SMAP1: variants seen among roughly 807,000 people sequenced by gnomAD.
SMAP1 encodes the protein small ArfGAP 1, also known as stromal membrane-associated protein 1.
In SMAP1, 24 loss-of-function variants were observed where a neutral mutation model predicts 58.5. The ratio of observed to expected loss-of-function variants is 0.41; its 90% CI spans 0.30 to 0.58. The LOEUF (loss-of-function observed/expected upper bound fraction) is 0.58, where lower values mean the gene tolerates loss of function less well. Among genes scored for constraint, SMAP1 ranks in the 20% least tolerant of loss-of-function variants. SMAP1 has a pLI of 0.29. For missense variants in SMAP1, 563 were observed against 566.3 expected, an observed-to-expected ratio of 0.99 and a Z score of 0.06; for synonymous variants, 216 against 196.6, an observed-to-expected ratio of 1.10 and a Z score of -0.82.
intron 3 of SMAP1, among the ~76,000 whole-genome samples, chr6:70,755,543 T>G (rs894351426): frequency 6.6e-6 from 1 of 152,034 alleles, no homozygotes; most frequent in Non-Finnish European, 1.5e-5. Flanking sequence ...GCACATTTAA[T>G]GTAGGCTAGG....
chr6:70,675,693 C>G (rs980497364), intron 1 of SMAP1, among the ~76,000 whole-genome samples: 1 of 151,014 alleles, frequency 6.6e-6, no homozygotes, highest in African/African-American at 2.4e-5. Flanking sequence ...AGGGGAGTGA[C>G]TGGCACTTTC....
Position 70,773,484 on chromosome 6 carries a change from A to G in SMAP1, c.414+59A>G, listed in dbSNP as rs980801874. On this transcript the variant is annotated intron_variant, in intron 4 of 10. Coordinates refer to ENST00000370455, the MANE Select transcript of SMAP1 (RefSeq NM_001044305.3). ...GTTGACTAGATTTCAAACTTTTAAC[A>G]TGCAATACAGCTTAATTTATTTATT... The G allele has an allele frequency of 2.8e-5, 25 of 900,054 alleles. 2 individuals are homozygous for G. In the South Asian group the frequency reaches 3.9e-4, roughly 14 times the overall value. 55.8% of individuals were successfully genotyped at this position (900,054 alleles called of 1,614,324 possible).
intron 2 of SMAP1, among the ~76,000 whole-genome samples, chr6:70,747,294 C>T (rs978859246): frequency 6.6e-6 from 1 of 152,206 alleles, no homozygotes; most frequent in Non-Finnish European, 1.5e-5. Flanking sequence ...TTACCAATCA[C>T]TGAACGCATA....
intron 1 of SMAP1, chr6:70,694,151 C>A: frequency 2.8e-6 from 1 of 361,332 alleles, no homozygotes; most frequent in South Asian, 2.5e-5. Context: ...AATGCTACAT[C>A]CAGTATCACC....
intron 3 of SMAP1, among the ~76,000 whole-genome samples, chr6:70,768,694 A>G (rs1394141225): frequency 6.6e-6 from 1 of 152,044 alleles, no homozygotes; most frequent in Non-Finnish European, 1.5e-5. Flanking sequence ...ATCTTTTCAA[A>G]AAACCAGCTC....
At chr6:70,694,481 C>T (rs186845756) in intron 1 of SMAP1, 1 of 153,682 alleles carries the variant, frequency 6.5e-6, no homozygotes, top group African/African-American at 2.4e-5. Flanking sequence ...ACCTCAGAGA[C>T]TGGATTCAGG....
intron 1 of SMAP1, among the ~76,000 whole-genome samples, chr6:70,710,613 T>C (rs1414265844): frequency 1.3e-5 from 2 of 151,958 alleles, no homozygotes; most frequent in Non-Finnish European, 2.9e-5. Context: ...AGTGAATGAA[T>C]GTGAAGGTGT....
chr6:70,813,135 C>G (rs1769462816), intron 6 of SMAP1, among the ~76,000 whole-genome samples: 1 of 151,844 alleles, frequency 6.6e-6, no homozygotes, highest in Non-Finnish European at 1.5e-5. Flanking sequence ...TATTTTTTCT[C>G]TCACCCCCAA....
At chr6:70,776,736 C>T (rs1767562891) in intron 4 of SMAP1, among the ~76,000 whole-genome samples, 2 of 152,258 alleles carry the variant, frequency 1.3e-5, no homozygotes, top group African/African-American at 2.4e-5. Context: ...AATGAGAACA[C>T]GTGGCATTTA....
intron 4 of SMAP1, among the ~76,000 whole-genome samples, chr6:70,777,489 T>C (rs1032682264): frequency 6.6e-6 from 1 of 152,176 alleles, no homozygotes; most frequent in East Asian, 1.9e-4. Context: ...TTCGAGTTCC[T>C]TGTATATTAT....
intron 9 of SMAP1, 80 bp from the exon 10 acceptor site, chr6:70,857,842 G>T: frequency 6.7e-7 from 1 of 1,501,622 alleles, no homozygotes. Context: ...GTTCAGAAAG[G>T]CAATTTTTCT....
chr6:70,802,451 A>G (rs1424204236), intron 6 of SMAP1, among the ~76,000 whole-genome samples: 1 of 152,144 alleles, frequency 6.6e-6, no homozygotes, highest in South Asian at 2.1e-4. Flanking sequence ...TGTCATCTGC[A>G]AACAGGGAGA....
chr6:70,816,649 A>G (rs186047129), intron 6 of SMAP1, among the ~76,000 whole-genome samples: 1 of 152,204 alleles, frequency 6.6e-6, no homozygotes, highest in African/African-American at 2.4e-5. Context: ...AGCACTGGGG[A>G]TATAGTAGAA....
chr6:70,789,500 A>T (rs1194773255), intron 4 of SMAP1, among the ~76,000 whole-genome samples: 2 of 151,120 alleles, frequency 1.3e-5, no homozygotes, highest in African/African-American at 4.9e-5. Flanking sequence ...TCACCTGTTC[A>T]TCTGTCCATT....
At chr6:70,839,203 TACATTTTCTACCTTCCTGATTATTG>T (rs1326601043) in intron 7 of SMAP1, among the ~76,000 whole-genome samples, 1 of 152,244 alleles carries the variant, frequency 6.6e-6, no homozygotes, top group Admixed American at 6.5e-5. Context: ...CTTCATTTGA[TACATTTTCTACCTTCCTGATTATTG>T]CAGGGCACTT....
intron 1 of SMAP1, among the ~76,000 whole-genome samples, chr6:70,716,911 T>C (rs1456190801): frequency 6.6e-6 from 1 of 152,154 alleles, no homozygotes; most frequent in African/African-American, 2.4e-5. Context: ...CTCTGTTTCT[T>C]TATTGCCCTC....
intron 1 of SMAP1, among the ~76,000 whole-genome samples, chr6:70,670,701 T>C (rs971562349): frequency 1.2e-4 from 18 of 152,238 alleles, no homozygotes; most frequent in Admixed American, 8.5e-4. Context: ...TTCAAAGTTA[T>C]TTCCTAGTTA....
chr6:70,836,133 G>T lies in SMAP1; in HGVS notation c.577-808G>T, dbSNP rs187827007. Among the ~76,000 whole-genome samples, 291 of 152,240 alleles carry T rather than the reference G, an allele frequency of 1.9e-3. 1 individual carries two copies. Among genetic ancestry groups the T allele is most frequent in the Non-Finnish European group, 3.1e-3 (213 of 68,020 alleles). Reference sequence around the variant, plus strand: ...CCTCCCCAGTCTCAGCTAACAGGATGTATTAGTCCGTTTTCATGCCGCGGA... The same window carrying T: ...CCTCCCCAGTCTCAGCTAACAGGATTTATTAGTCCGTTTTCATGCCGCGGA... On this transcript the variant is annotated intron_variant, in intron 6 of 10. Transcript: ENST00000370455.
In SMAP1 at chr6:70,732,531, G is replaced by T. The variant is rs777004530; in HGVS notation, c.252+20G>T. The T allele has an allele frequency of 2.7e-6, 4 of 1,495,172 alleles. No individual in the cohort carries two copies. Among genetic ancestry groups the T allele is most frequent in the East Asian group, 2.4e-5 (1 of 41,718 alleles). 92.6% of individuals were successfully genotyped at this position (1,495,172 alleles called of 1,614,324 possible). On this transcript the variant is annotated intron_variant, in intron 2 of 10. Coordinates refer to ENST00000370455, the MANE Select transcript of SMAP1 (RefSeq NM_001044305.3). ...ATACAGGTAAACATGACGTTACCAAGAAATTATTTAAAATATTTAAAATGA... is the reference window on the plus strand; with the variant it reads ...ATACAGGTAAACATGACGTTACCAATAAATTATTTAAAATATTTAAAATGA...
Sources: gnomAD v4.1 joint callset for allele counts (sites outside exome capture counted in the v4.1 genomes callset) on GRCh38, gnomAD v4.1.1 for gene constraint, MANE v1.5 for transcripts, NCBI Gene and HGNC (gene_info 2026-07-23, HGNC 2026-07-21) for gene names.